The following CHSY3 variants were observed in gnomAD, a reference collection of about 807,000 sequenced individuals.
The protein encoded by CHSY3 is chondroitin sulfate synthase 3.
Under a neutral mutation model 67.2 loss-of-function variants are expected in CHSY3, and 35 were observed. The ratio of observed to expected loss-of-function variants is 0.52; its 90% CI spans 0.40 to 0.69. The LOEUF (loss-of-function observed/expected upper bound fraction) is 0.69. Ranked by LOEUF, CHSY3 falls within the 30% of genes least tolerant of loss-of-function variation. The pLI is 0.00. For synonymous variants in CHSY3, 474 were observed against 434.7 expected, an observed-to-expected ratio of 1.09 and a Z score of -1.12; for missense variants, 1,069 against 1,138.5, an observed-to-expected ratio of 0.94 and a Z score of 0.88.
chr5:130,040,634 AGTC>A (rs1172832695), intron 2 of CHSY3, among the ~76,000 whole-genome samples: 1 of 152,148 alleles, frequency 6.6e-6, no homozygotes, highest in Non-Finnish European at 1.5e-5. Context: ...TTGCAACTAT[AGTC>A]GTGGAAATCA....
At chr5:129,984,232 C>T (rs1390437939) in intron 2 of CHSY3, among the ~76,000 whole-genome samples, 2 of 152,024 alleles carry the variant, frequency 1.3e-5, no homozygotes, top group Non-Finnish European at 2.9e-5. Context: ...CCTTTGTATC[C>T]ATGTGTACTC....
intron 2 of CHSY3, among the ~76,000 whole-genome samples, chr5:130,178,223 A>ATATT (rs1476068443): frequency 1.3e-5 from 1 of 75,706 alleles, no homozygotes; most frequent in Admixed American, 1.8e-4. Flanking sequence ...GTATATATTT[A>ATATT]TATTTATATA....
intron 2 of CHSY3, among the ~76,000 whole-genome samples, chr5:130,143,780 A>ATATG (rs1554085936): frequency 6.6e-5 from 4 of 60,408 alleles, no homozygotes; most frequent in African/African-American, 3.7e-4. Context: ...ATATATATAT[A>ATATG]TGTGTATATA....
At chr5:130,055,569 G>A (rs1215104071) in intron 2 of CHSY3, among the ~76,000 whole-genome samples, 3 of 152,068 alleles carry the variant, frequency 2.0e-5, no homozygotes, top group African/African-American at 4.8e-5. Flanking sequence ...GTCTTAATTA[G>A]TTTCATGGAA....
At chr5:130,116,272 G>T (rs996604372) in intron 2 of CHSY3, among the ~76,000 whole-genome samples, 1 of 152,180 alleles carries the variant, frequency 6.6e-6, no homozygotes, top group Non-Finnish European at 1.5e-5. Context: ...ACAAAAAAAC[G>T]TGGCAAGGAT....
chr5:129,917,423 G>A (rs1432682931), intron 2 of CHSY3, among the ~76,000 whole-genome samples: 1 of 152,154 alleles, frequency 6.6e-6, no homozygotes, highest in African/African-American at 2.4e-5. Flanking sequence ...AAGATTAAAC[G>A]AGTCAATGCA....
intron 2 of CHSY3, among the ~76,000 whole-genome samples, chr5:129,988,900 G>C (rs1402488147): frequency 6.6e-6 from 1 of 152,148 alleles, no homozygotes; most frequent in Non-Finnish European, 1.5e-5. Flanking sequence ...AACATCATCA[G>C]AGGGGCCCAT....
intron 2 of CHSY3, among the ~76,000 whole-genome samples, chr5:129,959,309 T>C (rs1232734382): frequency 6.6e-6 from 1 of 152,134 alleles, no homozygotes. Context: ...TTACTTGCTT[T>C]CTAAGCAAAA....
At chr5:130,144,007 C>G (rs1247458281) in intron 2 of CHSY3, among the ~76,000 whole-genome samples, 3 of 150,556 alleles carry the variant, frequency 2.0e-5, no homozygotes, top group African/African-American at 7.3e-5. Context: ...ACATTGCTGT[C>G]TTCTTTTTAT....
intron 2 of CHSY3, among the ~76,000 whole-genome samples, chr5:129,939,747 C>T (rs576671930): frequency 6.4e-4 from 97 of 152,248 alleles, no homozygotes; most frequent in African/African-American, 2.2e-3. Context: ...TGAAAATAAA[C>T]GTGCTCATAG....
intron 2 of CHSY3, among the ~76,000 whole-genome samples, chr5:129,973,937 A>G (rs1007669129): frequency 5.9e-5 from 9 of 152,040 alleles, no homozygotes; most frequent in African/African-American, 2.2e-4. Context: ...ATGCTATTAC[A>G]CAACCTCATG....
intron 2 of CHSY3, among the ~76,000 whole-genome samples, chr5:130,127,864 C>T (rs181585703): frequency 2.0e-5 from 3 of 152,212 alleles, no homozygotes; most frequent in African/African-American, 7.2e-5. Flanking sequence ...TTAGAGTTCT[C>T]AATTCTATAA....
chr5:130,154,364 G>A (rs1769314338), intron 2 of CHSY3, among the ~76,000 whole-genome samples: 1 of 152,188 alleles, frequency 6.6e-6, no homozygotes, highest in Non-Finnish European at 1.5e-5. Context: ...GTATTAGAAT[G>A]TGTGTGTCCC....
intron 2 of CHSY3, among the ~76,000 whole-genome samples, chr5:130,112,976 C>G (rs1767636062): frequency 6.6e-6 from 1 of 151,878 alleles, no homozygotes; most frequent in Non-Finnish European, 1.5e-5. Context: ...TCATTTGTAG[C>G]TTATATTTAA....
intron 2 of CHSY3, among the ~76,000 whole-genome samples, chr5:130,182,894 T>C (rs1463527627): frequency 6.6e-6 from 1 of 152,112 alleles, no homozygotes; most frequent in African/African-American, 2.4e-5. Flanking sequence ...CCTTTTTTCC[T>C]TAGCCCTGCC....
intron 2 of CHSY3, among the ~76,000 whole-genome samples, chr5:130,035,666 C>A (rs1396744188): frequency 6.6e-6 from 1 of 152,092 alleles, no homozygotes; most frequent in African/African-American, 2.4e-5. Context: ...AGGGTGTAAT[C>A]ATTTCTGTTC....
intron 2 of CHSY3, among the ~76,000 whole-genome samples, chr5:130,069,475 C>A (rs1482467851): frequency 6.6e-6 from 1 of 151,770 alleles, no homozygotes; most frequent in African/African-American, 2.4e-5. Flanking sequence ...TATAGTGAGA[C>A]CCCATCTCTG....
At chr5:130,131,481 C>T (rs953638587) in intron 2 of CHSY3, among the ~76,000 whole-genome samples, 2 of 152,152 alleles carry the variant, frequency 1.3e-5, no homozygotes, top group Non-Finnish European at 2.9e-5. Flanking sequence ...AGCATTATTA[C>T]CAAGCCCAAA....
intron 2 of CHSY3, among the ~76,000 whole-genome samples, chr5:130,160,432 C>A (rs1382016083): frequency 6.6e-6 from 1 of 152,146 alleles, no homozygotes; most frequent in Non-Finnish European, 1.5e-5. Flanking sequence ...TGCTTTGGAC[C>A]TCATTTCTTT....
Sources: gnomAD v4.1 joint callset for allele counts (sites outside exome capture counted in the v4.1 genomes callset) on GRCh38, gnomAD v4.1.1 for gene constraint, MANE v1.5 for transcripts, NCBI Gene and HGNC (gene_info 2026-07-23, HGNC 2026-07-21) for gene names.